The following SLX4IP variants were observed in gnomAD, a reference collection of about 807,000 sequenced individuals.
SLX4IP encodes protein SLX4IP.
SLX4IP carries 34 observed loss-of-function variants against 32.9 expected under a neutral mutation model. The ratio of observed to expected loss-of-function variants is 1.03; its 90% CI spans 0.79 to 1.38. The LOEUF is 1.38. SLX4IP is among the 40% of genes most tolerant of loss of function. SLX4IP has a pLI of 0.00. For synonymous variants in SLX4IP, 172 were observed against 171.7 expected (o/e 1.00, Z -0.01); for missense variants, 444 against 479.0 (o/e 0.93, Z 0.68).
At chr20:10,512,778 CTATA>C (rs57942782) in intron 2 of SLX4IP, among the ~76,000 whole-genome samples, 166 of 25,544 alleles carry the variant, frequency 6.5e-3, no homozygotes, top group South Asian at 7.7e-3. Context: ...CACACACACT[CTATA>C]TATATATATA....
intron 4 of SLX4IP, among the ~76,000 whole-genome samples, chr20:10,570,689 G>A (rs2066453013): frequency 6.6e-6 from 1 of 151,034 alleles, no homozygotes; most frequent in African/African-American, 2.4e-5. Context: ...CCACCACGCT[G>A]AGCTAATTTT....
chr20:10,600,805 A>G (rs144336582), intron 5 of SLX4IP, among the ~76,000 whole-genome samples: 1 of 152,222 alleles, frequency 6.6e-6, no homozygotes, highest in African/African-American at 2.4e-5. Context: ...CTTAATTTCT[A>G]TCACAAATAT....
At chr20:10,506,239 A>G (rs1183071020) in intron 2 of SLX4IP, among the ~76,000 whole-genome samples, 1 of 152,242 alleles carries the variant, frequency 6.6e-6, no homozygotes, top group Non-Finnish European at 1.5e-5. Flanking sequence ...AACTTGGGGT[A>G]CAGAATAAGT....
intron 1 of SLX4IP, among the ~76,000 whole-genome samples, chr20:10,452,706 C>G (rs1190907782): frequency 2.9e-5 from 4 of 140,134 alleles, no homozygotes; most frequent in Non-Finnish European, 6.1e-5. Flanking sequence ...TGTAAATTAG[C>G]TGGGCTTGGT....
At chr20:10,575,513 A>G (rs2060179904) in intron 4 of SLX4IP, among the ~76,000 whole-genome samples, 1 of 152,136 alleles carries the variant, frequency 6.6e-6, no homozygotes, top group Admixed American at 6.5e-5. Flanking sequence ...TGTGTTTGAC[A>G]GATAATAATA....
intron 1 of SLX4IP, among the ~76,000 whole-genome samples, chr20:10,438,076 T>C (rs1364901715): frequency 1.3e-5 from 2 of 152,202 alleles, no homozygotes; most frequent in Non-Finnish European, 2.9e-5. Flanking sequence ...TTTATGATAA[T>C]TAAATTTCTG....
At chr20:10,488,889 A>G (rs1442962858) in intron 2 of SLX4IP, among the ~76,000 whole-genome samples, 1 of 152,214 alleles carries the variant, frequency 6.6e-6, no homozygotes, top group Non-Finnish European at 1.5e-5. Context: ...AAATGACAGC[A>G]TGTCTAGTCT....
At chr20:10,474,274 A>G (rs1392551181) in intron 2 of SLX4IP, among the ~76,000 whole-genome samples, 3 of 152,232 alleles carry the variant, frequency 2.0e-5, no homozygotes, top group Non-Finnish European at 4.4e-5. Context: ...GTGCTGGTCT[A>G]ACAATATTTC....
intron 1 of SLX4IP, among the ~76,000 whole-genome samples, chr20:10,441,737 T>G (rs868094167): frequency 1.3e-5 from 2 of 152,072 alleles, no homozygotes; most frequent in South Asian, 2.1e-4. Flanking sequence ...TTTTGTTTTT[T>G]TTTTTATAAG....
intron 4 of SLX4IP, among the ~76,000 whole-genome samples, chr20:10,561,400 T>C (rs2066330545): frequency 6.6e-6 from 1 of 152,118 alleles, no homozygotes; most frequent in Non-Finnish European, 1.5e-5. Context: ...CCTAGTCTTC[T>C]AATACTCACA....
chr20:10,624,261 G>C lies in SLX4IP; in HGVS notation c.*882G>C, dbSNP rs892540572. On this transcript the variant is annotated 3_prime_UTR_variant, in exon 8 of 8. Coordinates refer to ENST00000334534, the MANE Select transcript of SLX4IP (RefSeq NM_001009608.3). ...TTGCCTGTAGCTCAAGCATGTCCCA[G>C]TCCCTGCTCTTGCACCCACCTCCAG... 6.6e-6 allele frequency: 1 copy of C among 152,236 alleles called. No homozygotes were observed. The highest frequency in any genetic ancestry group is 2.4e-5 in the African/African-American group (1 of 41,450). 9.4% of individuals were successfully genotyped at this position (152,236 alleles called of 1,614,324 possible).
At chr20:10,456,633 G>C (rs568213274) in intron 1 of SLX4IP, among the ~76,000 whole-genome samples, 1 of 152,186 alleles carries the variant, frequency 6.6e-6, no homozygotes, top group Non-Finnish European at 1.5e-5. Context: ...GAGCCACTGC[G>C]TCCAGCTGTA....
At chr20:10,548,892 T>C (rs77868543) in intron 2 of SLX4IP, among the ~76,000 whole-genome samples, 4,422 of 152,314 alleles carry the variant, frequency 0.029, 109 homozygotes, top group Admixed American at 0.09. Flanking sequence ...ATTTTTGCAA[T>C]TGGACTAAAT....
At chr20:10,569,532 A>T (rs1390639986) in intron 4 of SLX4IP, among the ~76,000 whole-genome samples, 1 of 152,144 alleles carries the variant, frequency 6.6e-6, no homozygotes, top group African/African-American at 2.4e-5. Context: ...AACATACCAC[A>T]GGCCGAGTGG....
At chr20:10,516,471 C>T (rs1201297819) in intron 2 of SLX4IP, among the ~76,000 whole-genome samples, 5 of 152,210 alleles carry the variant, frequency 3.3e-5, no homozygotes, top group African/African-American at 1.2e-4. Flanking sequence ...TAAACTGAAT[C>T]TTAGGCTGTT....
At chr20:10,535,371 G>A (rs1291591295) in intron 2 of SLX4IP, among the ~76,000 whole-genome samples, 1 of 152,156 alleles carries the variant, frequency 6.6e-6, no homozygotes, top group Non-Finnish European at 1.5e-5. Context: ...GCCCAAGCTG[G>A]AGTGTAGTGG....
intron 2 of SLX4IP, among the ~76,000 whole-genome samples, chr20:10,553,858 C>T (rs907055380): frequency 6.6e-6 from 1 of 152,148 alleles, no homozygotes; most frequent in Admixed American, 6.5e-5. Flanking sequence ...CGTAGGAAAC[C>T]ATCTTTCAAC....
chr20:10,562,665 C>A (rs1048150531), intron 4 of SLX4IP, among the ~76,000 whole-genome samples: 1 of 152,152 alleles, frequency 6.6e-6, no homozygotes, highest in East Asian at 1.9e-4. Context: ...CACCAGGGAC[C>A]CTGCCCTTCT....
chr20:10,495,753 C>G (rs2065661649), intron 2 of SLX4IP, among the ~76,000 whole-genome samples: 1 of 152,188 alleles, frequency 6.6e-6, no homozygotes, highest in African/African-American at 2.4e-5. Context: ...CTTTAAGATT[C>G]TGTTTTGTCT....
Sources: allele counts gnomAD v4.1 joint callset (sites outside exome capture counted in the v4.1 genomes callset), GRCh38; gene constraint gnomAD v4.1.1; transcripts MANE v1.5; gene names NCBI Gene and HGNC (gene_info 2026-07-23, HGNC 2026-07-21).